Variants in CDH18 observed in about 807,000 individuals in gnomAD.
CDH18 encodes the protein cadherin-18.
In CDH18, 31 loss-of-function variants were observed where a neutral mutation model predicts 67.9. That is an observed-to-expected ratio of 0.46 (90% CI 0.34 to 0.62). CDH18 has a LOEUF of 0.62. Among genes scored for constraint, CDH18 ranks in the 20% least tolerant of loss-of-function variants. The pLI, the probability that CDH18 is intolerant of heterozygous loss-of-function variation, is 0.01. For missense variants in CDH18, 890 were observed against 975.5 expected (o/e 0.91, Z 1.17); for synonymous variants, 362 against 347.2 (o/e 1.04, Z -0.48).
chr5:20,153,612 G>A (rs920718901), intron 2 of CDH18, among the ~76,000 whole-genome samples: 21 of 152,176 alleles, frequency 1.4e-4, no homozygotes, highest in Non-Finnish European at 2.5e-4. Flanking sequence ...TTTTCTCACA[G>A]TTGTGAAGGC....
chr5:20,276,384 G>A (rs182179704), intron 1 of CDH18, among the ~76,000 whole-genome samples: 3 of 152,262 alleles, frequency 2.0e-5, no homozygotes, highest in Admixed American at 2.0e-4. Context: ...AGAGTCCTGA[G>A]GCCCCCATTC....
intron 3 of CDH18, among the ~76,000 whole-genome samples, chr5:19,757,837 C>T (rs969317850): frequency 1.3e-5 from 2 of 152,220 alleles, no homozygotes; most frequent in African/African-American, 4.8e-5. Context: ...AGTGCACAAC[C>T]ACGTGCACTG....
intron 3 of CDH18, among the ~76,000 whole-genome samples, chr5:19,811,127 AAAG>A (rs1778640518): frequency 8.0e-6 from 1 of 124,772 alleles, no homozygotes; most frequent in Non-Finnish European, 1.7e-5. Context: ...AGAAAGAAAG[AAAG>A]AAAGAAAGAA....
At chr5:20,417,813 G>A (rs1019141414) in intron 1 of CDH18, among the ~76,000 whole-genome samples, 1 of 152,086 alleles carries the variant, frequency 6.6e-6, no homozygotes. Context: ...GATACACTAG[G>A]AATCTCTAAA....
At chr5:20,315,369 A>G (rs1737370551) in intron 1 of CDH18, among the ~76,000 whole-genome samples, 1 of 152,090 alleles carries the variant, frequency 6.6e-6, no homozygotes, top group South Asian at 2.1e-4. Context: ...TGTTCTACCT[A>G]AAATCCATTC....
At chr5:19,716,798 T>TA (rs1190342330) in intron 5 of CDH18, among the ~76,000 whole-genome samples, 1 of 152,142 alleles carries the variant, frequency 6.6e-6, no homozygotes, top group Non-Finnish European at 1.5e-5. Flanking sequence ...TTACTATTTT[T>TA]ATGTACCTGA....
intron 2 of CDH18, among the ~76,000 whole-genome samples, chr5:19,940,053 A>G (rs930255325): frequency 1.3e-5 from 2 of 151,844 alleles, no homozygotes; most frequent in Non-Finnish European, 2.9e-5. Flanking sequence ...TTGCATCTAC[A>G]TGCATCAACC....
chr5:19,757,574 T>G (rs1216749392), intron 3 of CDH18, among the ~76,000 whole-genome samples: 1 of 152,180 alleles, frequency 6.6e-6, no homozygotes, highest in Non-Finnish European at 1.5e-5. Flanking sequence ...ACAGATCAGG[T>G]CATTCTATCC....
chr5:20,037,819 C>A (rs2150465460), intron 2 of CDH18, among the ~76,000 whole-genome samples: 1 of 152,090 alleles, frequency 6.6e-6, no homozygotes, highest in East Asian at 1.9e-4. Context: ...CAAACACATT[C>A]AAAAGCTAGC....
intron 3 of CDH18, among the ~76,000 whole-genome samples, chr5:19,762,129 C>T (rs1772438666): frequency 6.6e-6 from 1 of 152,056 alleles, no homozygotes; most frequent in South Asian, 2.1e-4. Flanking sequence ...GACCTAAAAC[C>T]ATAAAAACCC....
Position 19,747,153 on chromosome 5 carries a change from G to A in CDH18, c.312C>T (p.Asp104=), listed in dbSNP as rs368155280. The A allele has an allele frequency of 6.2e-6, 10 of 1,612,976 alleles. No homozygotes were observed. The highest frequency in any genetic ancestry group is 2.2e-5 in the East Asian group (1 of 44,858). ...GEGAGTIFII[D]DTTGDIHSTK... The stretch of plus-strand genomic sequence containing the variant: ...TTGAGTGGATATCACCCGTGGTATC[G>A]TCAATGATAAATATAGTCCCAGCAC... The change falls in exon 4 of 13, where the codon GAC becomes GAT. Residue 104 remains aspartate (D), a synonymous_variant. Coordinates refer to ENST00000382275, the MANE Select transcript of CDH18 (RefSeq NM_004934.5).
intron 9 of CDH18, among the ~76,000 whole-genome samples, chr5:19,541,358 T>A (rs1750244160): frequency 6.6e-6 from 1 of 151,856 alleles, no homozygotes; most frequent in African/African-American, 2.4e-5. Flanking sequence ...ACATTTTTTT[T>A]ATCTTCTTCT....
intron 4 of CDH18, among the ~76,000 whole-genome samples, chr5:19,738,123 A>G (rs774316624): frequency 6.6e-6 from 1 of 152,128 alleles, no homozygotes; most frequent in Admixed American, 6.5e-5. Flanking sequence ...TATTTTATTT[A>G]TTACCTATTT....
chr5:19,558,103 T>C (rs1738769926), intron 8 of CDH18, among the ~76,000 whole-genome samples: 2 of 151,896 alleles, frequency 1.3e-5, no homozygotes, highest in South Asian at 4.1e-4. Context: ...TGAATGACAA[T>C]AGTGACATGA....
intron 2 of CDH18, among the ~76,000 whole-genome samples, chr5:20,177,578 T>C (rs1484790043): frequency 1.3e-5 from 2 of 152,090 alleles, no homozygotes; most frequent in Admixed American, 6.6e-5. Context: ...CAAACATTAT[T>C]CTAGGTGTGT....
intron 2 of CDH18, among the ~76,000 whole-genome samples, chr5:20,133,742 T>C (rs188386024): frequency 7.9e-4 from 120 of 152,240 alleles, no homozygotes; most frequent in African/African-American, 2.8e-3. Flanking sequence ...TTTTTTATAT[T>C]TTATGTACAA....
chr5:19,493,808 C>T (rs1374854920), intron 11 of CDH18, among the ~76,000 whole-genome samples: 1 of 152,014 alleles, frequency 6.6e-6, no homozygotes, highest in Non-Finnish European at 1.5e-5. Flanking sequence ...CTTATTTCAT[C>T]TTATTGTCAT....
At chr5:19,579,019 A>G (rs1742777854) in intron 7 of CDH18, among the ~76,000 whole-genome samples, 1 of 152,030 alleles carries the variant, frequency 6.6e-6, no homozygotes, top group Non-Finnish European at 1.5e-5. Context: ...TTTACTAAAT[A>G]TTCTATAGGC....
chr5:20,338,620 C>G (rs1739985876), intron 1 of CDH18, among the ~76,000 whole-genome samples: 1 of 152,142 alleles, frequency 6.6e-6, no homozygotes, highest in Non-Finnish European at 1.5e-5. Context: ...AAGGTTACAT[C>G]CTTTTGAGAC....
Sources: allele counts gnomAD v4.1 joint callset (sites outside exome capture counted in the v4.1 genomes callset), GRCh38; gene constraint gnomAD v4.1.1; transcripts MANE v1.5; gene names NCBI Gene and HGNC (gene_info 2026-07-23, HGNC 2026-07-21).